The following LSP1 variants were observed in gnomAD, a reference collection of about 807,000 sequenced individuals.
LSP1 encodes lymphocyte-specific protein 1.
Under a neutral mutation model 49.3 loss-of-function variants are expected in LSP1, and 32 were observed. That is an observed-to-expected ratio of 0.65 (90% confidence interval 0.49 to 0.87). The LOEUF (loss-of-function observed/expected upper bound fraction) is 0.87, where lower values mean the gene tolerates loss of function less well. Ranked by LOEUF, LSP1 falls within the 40% of genes least tolerant of loss-of-function variation. LSP1 has a pLI of 0.00. For missense variants in LSP1, 428 were observed against 442.6 expected (o/e 0.97, Z 0.30); for synonymous variants, 179 against 178.8 (o/e 1.00, Z -0.01).
Position 1,881,285 on chromosome 11 carries a change from G to A in LSP1, c.192-147G>A, listed in dbSNP as rs539507480. ...CTGCCCTCAGGTATTCTGACCACAG[G>A]AGACACAGCCCAGAGCCAGCTCTGT... On this transcript the variant is annotated intron_variant, in intron 2 of 10. Transcript: ENST00000311604. The A allele has an allele frequency of 3.3e-5, 25 of 749,636 alleles. No individual in the cohort carries two copies. In the South Asian group the frequency reaches 4.4e-4, roughly 13 times the overall value. 46.4% of individuals were successfully genotyped at this position (749,636 alleles called of 1,614,324 possible).
chr11:1,854,706 G>T (rs1847444970), intron 1 of LSP1, among the ~76,000 whole-genome samples: 1 of 152,130 alleles, frequency 6.6e-6, no homozygotes, highest in Non-Finnish European at 1.5e-5. Context: ...CAGGCCGTGT[G>T]CAGGGAGACA....
chr11:1,871,574 C>T (rs1338166006), intron 1 of LSP1, among the ~76,000 whole-genome samples: 1 of 152,212 alleles, frequency 6.6e-6, no homozygotes, highest in East Asian at 1.9e-4. Context: ...CCAGTCTCAG[C>T]AGGGGGCCAA....
chr11:1,889,410 G>T (rs1166548988), intron 10 of LSP1: 2 of 682,402 alleles, frequency 2.9e-6, no homozygotes, highest in Admixed American at 2.1e-5. Flanking sequence ...GGAGGCGGGG[G>T]CCCGGGGTGC....
chr11:1,866,777 G>A lies in LSP1; in HGVS notation c.54-13310G>A, dbSNP rs117499757. The stretch of plus-strand genomic sequence containing the variant: ...CTCACCAGTGCTACTTAACAAATGG[G>A]CCCAAGAGAAGGAAGTGCAGCCCCC... On this transcript the variant is annotated intron_variant, in intron 1 of 10. Coordinates refer to ENST00000311604, the MANE Select transcript of LSP1 (RefSeq NM_002339.3). 1,865 of 1,550,466 alleles carry A rather than the reference G, an allele frequency of 1.2e-3. 53 individuals carry two copies. In the East Asian group the frequency reaches 0.042, roughly 35 times the overall value.
chr11:1,890,811 AC>A, intron 10 of LSP1: 1 of 578,998 alleles, frequency 1.7e-6, no homozygotes, highest in Non-Finnish European at 3.1e-6. Flanking sequence ...AAATGAGGCC[AC>A]AGAGGCCGAG....
At chr11:1,882,690 C>T (rs550171367) in intron 3 of LSP1, among the ~76,000 whole-genome samples, 1 of 152,348 alleles carries the variant, frequency 6.6e-6, no homozygotes, top group South Asian at 2.1e-4. Context: ...ACCTGCCTGG[C>T]TGCACAGACC....
chr11:1,868,724 G>A (rs1046644315), intron 1 of LSP1: 8 of 985,674 alleles, frequency 8.1e-6, no homozygotes, highest in Admixed American at 6.1e-5. Context: ...AAGCCCAGGC[G>A]AGCCAGCAGC....
chr11:1,870,074 C>A (rs1028097816), intron 1 of LSP1: 1 of 449,236 alleles, frequency 2.2e-6, no homozygotes, highest in South Asian at 1.6e-5. Context: ...GCGCCCCTGG[C>A]GACCATTGTG....
intron 1 of LSP1, among the ~76,000 whole-genome samples, chr11:1,877,715 T>C (rs1301412615): frequency 3.9e-5 from 6 of 152,216 alleles, no homozygotes; most frequent in Non-Finnish European, 8.8e-5. Flanking sequence ...TGTGAGCACG[T>C]GCATACTTGT....
At position 1,873,522 on chromosome 11, in the gene LSP1, G is replaced by GAGGA. The variant is rs1380108616; in HGVS notation, c.54-6560_54-6557dup. Among the ~76,000 whole-genome samples, 285 of 141,598 alleles carry GAGGA rather than the reference G, an allele frequency of 2.0e-3. 3 individuals are homozygous for GAGGA. The highest frequency in any genetic ancestry group is 2.7e-3 in the Non-Finnish European group (177 of 64,408). 92.9% of individuals were successfully genotyped at this position (141,598 alleles called of 152,430 possible). On this transcript the variant is annotated intron_variant, in intron 1 of 10. Transcript: ENST00000311604. ...AGATGGAGGGAGGGAGGGAGGGAGG[G>GAGGA]AGGAAGGAGGGGAGGAAAGGAGGGA...
At chr11:1,858,833 TCCCACCCAGCACGGC>T (rs1348968061) in intron 1 of LSP1, among the ~76,000 whole-genome samples, 4 of 152,178 alleles carry the variant, frequency 2.6e-5, no homozygotes, top group Non-Finnish European at 5.9e-5. Context: ...CCTAGCCGTG[TCCCACCCAGCACGGC>T]CCCACCAGTG....
rs1489048609 is a variant in LSP1 at position 1,873,846 on chromosome 11, CGGCAGAGGAGGGAGGCT to C, written c.54-6216_54-6200del. Among the ~76,000 whole-genome samples the C allele has an allele frequency of 5.2e-3, 664 of 128,286 alleles. 70 individuals carry two copies. The highest frequency in any genetic ancestry group is 7.9e-3 in the African/African-American group (259 of 32,876). 84.2% of individuals were successfully genotyped at this position (128,286 alleles called of 152,430 possible). Reference sequence around the variant, plus strand: ...AGGGAGGCCGGCAGAGGAGGGAGGCCGGCAGAGGAGGGAGGCTGGCAGAGGAGGGAGGCTGGCAGAGC... The same window carrying C: ...AGGGAGGCCGGCAGAGGAGGGAGGCCGGCAGAGGAGGGAGGCTGGCAGAGC... On this transcript the variant is annotated intron_variant, in intron 1 of 10. Coordinates refer to ENST00000311604, the MANE Select transcript of LSP1 (RefSeq NM_002339.3).
Position 1,883,393 on chromosome 11 carries a change from G to A in LSP1, c.357-26G>A, listed in dbSNP as rs147058671. On this transcript the variant is annotated intron_variant, in intron 3 of 10. Coordinates refer to ENST00000311604, the MANE Select transcript of LSP1 (RefSeq NM_002339.3). ...CCAAGCAATCCAATGGCCCTAGAACGGCTTTGCCTCCCTTTCCACCCACAG... is the reference window on the plus strand; with the variant it reads ...CCAAGCAATCCAATGGCCCTAGAACAGCTTTGCCTCCCTTTCCACCCACAG... 1.1e-3 allele frequency: 1,756 copies of A among 1,613,394 alleles called. 15 individuals are homozygous for A. In the African/African-American group the frequency reaches 0.019, roughly 18 times the overall value.
intron 1 of LSP1, 126 bp downstream of exon 1, chr11:1,853,323 G>A: frequency 1.0e-6 from 1 of 989,464 alleles, no homozygotes; most frequent in Non-Finnish European, 1.5e-6. Context: ...GGGAGAACTT[G>A]GATGTCCGAT....
chr11:1,879,096 C>A (rs1285593338), intron 1 of LSP1, among the ~76,000 whole-genome samples: 1 of 152,136 alleles, frequency 6.6e-6, no homozygotes, highest in African/African-American at 2.4e-5. Context: ...TGTAATCCCA[C>A]CACCTTGGGA....
At chr11:1,857,965 A>T (rs1204147473) in intron 1 of LSP1, among the ~76,000 whole-genome samples, 1 of 152,154 alleles carries the variant, frequency 6.6e-6, no homozygotes, top group African/African-American at 2.4e-5. Flanking sequence ...CATGTTGGCC[A>T]GGCTGGTCTT....
At position 1,884,178 on chromosome 11, in the gene LSP1, A is replaced by C; in HGVS notation, c.592-102A>C. 6.9e-7 allele frequency: 1 copy of C among 1,453,518 alleles called. No individual in the cohort carries two copies. Among genetic ancestry groups the C allele is most frequent in the Non-Finnish European group, 9.7e-7 (1 of 1,034,602 alleles). The allele number at this position is 1,453,518 out of a possible 1,614,324, so 90.0% of individuals were successfully genotyped here. A position where few individuals can be genotyped will look rare whatever the true frequency, so the allele number is the denominator to read the frequency against. The stretch of plus-strand genomic sequence containing the variant: ...CCGGTGCTCAGCGAACCCCCATGAT[A>C]TAAGGGTTGGGGGTTGGATTAGTGG... On this transcript the variant is annotated intron_variant, in intron 5 of 10. Transcript: ENST00000311604. The surrounding 1 kb of genome is among the most constrained non-coding windows in gnomAD (Gnocchi z 4.1).
Position 1,887,661 on chromosome 11 carries a change from A to G in LSP1, c.*13+85A>G, listed in dbSNP as rs1012023149. 11 of 1,077,676 alleles carry G rather than the reference A, an allele frequency of 1.0e-5. No homozygotes were observed. The Admixed American group carries it at 1.0e-4, about 10-fold the overall frequency. 66.8% of individuals were successfully genotyped at this position (1,077,676 alleles called of 1,614,324 possible). ...ACTTGGCAACCTGGAGGCTGCCTGG[A>G]GCCCTGTTGCAGGCTACAAGGGTGG... On this transcript the variant is annotated intron_variant, in intron 10 of 10. Coordinates refer to ENST00000311604, the MANE Select transcript of LSP1 (RefSeq NM_002339.3).
chr11:1,854,093 G>A (rs779792107), intron 1 of LSP1, among the ~76,000 whole-genome samples: 9 of 152,146 alleles, frequency 5.9e-5, no homozygotes, highest in Non-Finnish European at 8.8e-5. Flanking sequence ...CAGGGCGTGC[G>A]GTGCAGGGAC....
Sources: allele counts gnomAD v4.1 joint callset (sites outside exome capture counted in the v4.1 genomes callset), GRCh38; gene constraint gnomAD v4.1.1; non-coding constraint Gnocchi (gnomAD v3.1); transcripts MANE v1.5; gene names NCBI Gene and HGNC (gene_info 2026-07-23, HGNC 2026-07-21).